PCM1: variants seen among roughly 807,000 people sequenced by gnomAD.
PCM1 encodes the protein pericentriolar material 1 protein.
A neutral mutation model predicts 241.9 loss-of-function variants in PCM1; 157 were observed. The ratio of observed to expected loss-of-function variants is 0.65; its 90% confidence interval spans 0.57 to 0.74. The LOEUF (loss-of-function observed/expected upper bound fraction) is 0.74, where lower values mean the gene tolerates loss of function less well. Ranked by LOEUF, PCM1 falls within the 30% of genes least tolerant of loss-of-function variation. The pLI, the probability that PCM1 is intolerant of heterozygous loss-of-function variation, is 0.00. For missense variants in PCM1, 3,478 were observed against 2,360.1 expected (o/e 1.47, Z -9.81); for synonymous variants, 1,085 against 784.9 (o/e 1.38, Z -6.39).
At position 17,930,644 on chromosome 8, in the gene PCM1, C is replaced by T. The variant is rs537926575; in HGVS notation, c.-22-4945C>T. Among the ~76,000 whole-genome samples, 40 of 151,550 alleles carry T rather than the reference C, an allele frequency of 2.6e-4. 1 individual carries two copies. In the South Asian group the frequency reaches 7.5e-3, roughly 28 times the overall value. ...CTGTAATCCCAGCACTTTGGGAGGC[C>T]GAGGCGGGCGGATCACGAGGTCAGG... On this transcript the variant is annotated intron_variant, in intron 2 of 38. Coordinates refer to ENST00000325083, the MANE Select transcript of PCM1 (RefSeq NM_006197.4).
intron 30 of PCM1, among the ~76,000 whole-genome samples, chr8:18,008,492 G>T (rs1270582583): frequency 6.6e-6 from 1 of 151,976 alleles, no homozygotes; most frequent in African/African-American, 2.4e-5. Flanking sequence ...GAATCATTCC[G>T]AAACCTTCCC....
At position 17,957,336 on chromosome 8, in the gene PCM1, A is replaced by G; in HGVS notation, c.1719A>G (p.Arg573=). ...ATGCACAGTGTGTTTCTAATAATAGAGATGGGCGAACAGTTAATTCTAATT... is the reference window on the plus strand; with the variant it reads ...ATGCACAGTGTGTTTCTAATAATAGGGATGGGCGAACAGTTAATTCTAATT... ...HSNAQCVSNN[R]DGRTVNSNCE... The change falls in exon 12 of 39, where the codon AGA becomes AGG. Residue 573 remains arginine, a synonymous_variant. Transcript: ENST00000325083. The G allele has an allele frequency of 1.2e-6, 2 of 1,611,566 alleles. No individual in the cohort carries two copies. Among genetic ancestry groups the G allele is most frequent in the Non-Finnish European group, 8.5e-7 (1 of 1,177,940 alleles).
chr8:17,941,857 T>A (rs2062168471), intron 6 of PCM1, among the ~76,000 whole-genome samples: 1 of 139,834 alleles, frequency 7.2e-6, no homozygotes, highest in African/African-American at 3.0e-5. Flanking sequence ...AATATTAACT[T>A]GGGAAGTCTC....
chr8:17,949,168 A>T (rs1462755344), intron 7 of PCM1, among the ~76,000 whole-genome samples: 1 of 152,194 alleles, frequency 6.6e-6, no homozygotes, highest in Admixed American at 6.5e-5. Context: ...AAAGAATTTT[A>T]GCTTAGTAAT....
At chr8:17,941,755 G>C (rs1028062248) in intron 6 of PCM1, among the ~76,000 whole-genome samples, 29 of 151,806 alleles carry the variant, frequency 1.9e-4, no homozygotes, top group African/African-American at 6.8e-4. Context: ...AAGTCCAAAA[G>C]GGAAAGGTGA....
Position 17,989,926 on chromosome 8 carries a change from C to T in PCM1, c.4478C>T (p.Ala1493Val). The change falls in exon 27 of 39, where the codon GCT (alanine) becomes GTT (valine). Residue 1493 changes from alanine to valine, a missense_variant. Coordinates refer to ENST00000325083, the MANE Select transcript of PCM1 (RefSeq NM_006197.4). ...AGTGAGCAAAATGATGCTGATAATG[C>T]TAGTGTCCTGTCTGTATCATCAAAT... The part of the protein sequence containing the change: ...KISEQNDADN[A>V]SVLSVSSNFE... 6.5e-7 allele frequency: 1 copy of T among 1,545,654 alleles called. No homozygotes were observed. The highest frequency in any genetic ancestry group is 8.7e-7 in the Non-Finnish European group (1 of 1,143,040).
intron 3 of PCM1, among the ~76,000 whole-genome samples, chr8:17,936,433 T>C (rs406329): frequency 0.53 from 80,793 of 152,042 alleles, 22,200 homozygotes; most frequent in Middle Eastern, 0.64. Flanking sequence ...ACAGACCTTT[T>C]TGTTAATGAA....
In PCM1 at chr8:18,028,836, T is replaced by C. The variant is rs3760; in HGVS notation, c.*1174T>C. On this transcript the variant is annotated 3_prime_UTR_variant, in exon 39 of 39. Coordinates refer to ENST00000325083, the MANE Select transcript of PCM1 (RefSeq NM_006197.4). ...TGAAATACCCCATAAAAAAAGAACT[T>C]GTTGAGAGTATTTCTTTAAAATGGT... 138,880 of 185,854 alleles carry C rather than the reference T, an allele frequency of 0.75. 52,491 individuals are homozygous for C. The highest frequency in any genetic ancestry group is 0.81 in the African/African-American group (34,558 of 42,762). The allele number at this position is 185,854 out of a possible 1,614,324, so 11.5% of individuals were successfully genotyped here.
intron 30 of PCM1, among the ~76,000 whole-genome samples, chr8:18,007,864 T>G (rs2091758495): frequency 6.6e-6 from 1 of 152,172 alleles, no homozygotes; most frequent in Non-Finnish European, 1.5e-5. Flanking sequence ...GAGCAGGCAT[T>G]GAACATCATA....
At chr8:17,988,954 A>G (rs1278566006) in intron 26 of PCM1, among the ~76,000 whole-genome samples, 2 of 151,958 alleles carry the variant, frequency 1.3e-5, no homozygotes, top group African/African-American at 4.8e-5. Flanking sequence ...TCTTCTAGGT[A>G]TTCATCCAAG....
intron 23 of PCM1, 85 bp from the exon 24 acceptor site, chr8:17,980,506 C>T: frequency 3.8e-6 from 4 of 1,054,680 alleles, no homozygotes; most frequent in South Asian, 3.6e-5. Context: ...ATTGAGTTAC[C>T]TGTACTGTTA....
intron 36 of PCM1, among the ~76,000 whole-genome samples, chr8:18,019,947 C>A (rs927317517): frequency 6.6e-6 from 1 of 152,112 alleles, no homozygotes. Flanking sequence ...ACAACTAAGG[C>A]AGTTAAGGGA....
rs745626811 is a variant in PCM1, at chr8:17,938,766, T to C, written c.369T>C (p.Gly123=). 6.2e-7 allele frequency: 1 copy of C among 1,612,016 alleles called. No homozygotes were observed. The highest frequency in any genetic ancestry group is 8.5e-7 in the Non-Finnish European group (1 of 1,178,058). Residue 123 remains glycine, a synonymous_variant, in exon 5 of 39, where the codon GGT becomes GGC. Transcript: ENST00000325083. The part of the protein sequence containing the change: ...DQRSIGSDSQ[G]RATAANNKRQ... ...GAAGCATTGGAAGTGATTCCCAAGG[T>C]AGAGCAACAGCTGCTAACAACAAAC...
At chr8:17,950,327 C>T (rs951170447) in intron 7 of PCM1, among the ~76,000 whole-genome samples, 3 of 152,150 alleles carry the variant, frequency 2.0e-5, no homozygotes, top group Admixed American at 2.0e-4. Flanking sequence ...TAGACCTGCT[C>T]CACTGAGTCA....
At position 18,011,334 on chromosome 8, in the gene PCM1, A is replaced by T. The variant is rs1319803438; in HGVS notation, c.5318A>T (p.Asp1773Val). 6.2e-7 allele frequency: 1 copy of T among 1,603,428 alleles called. No homozygotes were observed. The highest frequency in any genetic ancestry group is 1.7e-5 in the Admixed American group (1 of 57,894). Reference protein sequence around the residue: ...VRSDISDQEEDEESEGCPVSI... With the variant: ...VRSDISDQEEVEESEGCPVSI... ...TCTGATATTTCTGATCAAGAGGAAG[A>T]TGAAGAAAGTGAAGGATGTCCAGTG... Residue 1773 changes from aspartate to valine, a missense_variant, in exon 33 of 39, where the codon GAT becomes GTT. Asp to Val is a radical substitution (Grantham distance 152). Transcript: ENST00000325083.
At position 17,955,578 on chromosome 8, in the gene PCM1, C is replaced by G; in HGVS notation, c.1397C>G (p.Pro466Arg). 1.2e-6 allele frequency: 2 copies of G among 1,613,786 alleles called. No individual in the cohort carries two copies. The highest frequency in any genetic ancestry group is 1.7e-6 in the Non-Finnish European group (2 of 1,179,730). Residue 466 changes from proline to arginine, a missense_variant, in exon 10 of 39, where the codon CCT becomes CGT. Transcript: ENST00000325083. The stretch of plus-strand genomic sequence containing the variant: ...TCCAATAGCCTCACATCATCTGTTC[C>G]TTATCCTACTGCTTCTCTAGTATCT... ...GESNSLTSSV[P>R]YPTASLVSQN...
At chr8:17,983,600 G>A (rs948442232) in intron 24 of PCM1, among the ~76,000 whole-genome samples, 3 of 152,062 alleles carry the variant, frequency 2.0e-5, no homozygotes, top group East Asian at 1.9e-4. Flanking sequence ...CAAAGCATTA[G>A]TATTTCTTAG....
intron 21 of PCM1, among the ~76,000 whole-genome samples, chr8:17,968,458 G>C (rs1165260625): frequency 1.3e-5 from 2 of 152,154 alleles, no homozygotes; most frequent in East Asian, 1.9e-4. Flanking sequence ...AAGAATGATA[G>C]CTTGGCCTTA....
chr8:17,937,013 A>C (rs996668060), intron 3 of PCM1, 121 bp from the exon 4 acceptor site: 2 of 705,690 alleles, frequency 2.8e-6, no homozygotes, highest in Non-Finnish European at 4.6e-6. Flanking sequence ...TAGGAGTATA[A>C]GTCTGTCAAA....
Sources: allele counts gnomAD v4.1 joint callset (sites outside exome capture counted in the v4.1 genomes callset), GRCh38; gene constraint gnomAD v4.1.1; transcripts MANE v1.5; gene names NCBI Gene and HGNC (gene_info 2026-07-23, HGNC 2026-07-21).